RALYL: variants seen among roughly 807,000 people sequenced by gnomAD.
RALYL encodes RNA-binding Raly-like protein.
In RALYL, 29 loss-of-function variants were observed where a neutral mutation model predicts 35.1. The ratio of observed to expected loss-of-function variants is 0.83; its 90% CI spans 0.61 to 1.13. The LOEUF is 1.13. RALYL is among the 50% of genes most tolerant of loss of function. The pLI is 0.00. For missense variants in RALYL, 359 were observed against 360.4 expected, an observed-to-expected ratio of 1.00 and a Z score of 0.03; for synonymous variants, 120 against 127.6, an observed-to-expected ratio of 0.94 and a Z score of 0.40.
At chr8:84,199,178 G>A (rs922667626) in intron 1 of RALYL, among the ~76,000 whole-genome samples, 45 of 152,092 alleles carry the variant, frequency 3.0e-4, no homozygotes, top group Non-Finnish European at 5.9e-5. Flanking sequence ...GCTTTTGGAT[G>A]TAAGTCATTT....
At chr8:84,582,832 T>A (rs1811137186) in intron 2 of RALYL, among the ~76,000 whole-genome samples, 1 of 152,046 alleles carries the variant, frequency 6.6e-6, no homozygotes, top group Non-Finnish European at 1.5e-5. Flanking sequence ...TACCTACAAA[T>A]GTATTTAATT....
chr8:84,517,293 T>C (rs972115643), intron 1 of RALYL, among the ~76,000 whole-genome samples: 4 of 152,162 alleles, frequency 2.6e-5, no homozygotes, highest in African/African-American at 7.2e-5. Flanking sequence ...CACCAAAGCT[T>C]ATATAACATC....
intron 1 of RALYL, among the ~76,000 whole-genome samples, chr8:84,405,883 G>A (rs562744558): frequency 7.5e-5 from 10 of 133,652 alleles, no homozygotes; most frequent in Non-Finnish European, 1.4e-4. Context: ...TCAGTGGCAC[G>A]ATCTCGGCTC....
chr8:84,484,497 A>G (rs966528626), intron 1 of RALYL, among the ~76,000 whole-genome samples: 1 of 152,184 alleles, frequency 6.6e-6, no homozygotes, highest in Admixed American at 6.6e-5. Context: ...ACGTAAGCAA[A>G]AGCAGGAAGG....
chr8:84,365,374 G>A (rs938734589), intron 1 of RALYL, among the ~76,000 whole-genome samples: 2 of 152,018 alleles, frequency 1.3e-5, no homozygotes, highest in Admixed American at 1.3e-4. Flanking sequence ...CTATAAGTGA[G>A]TCCTCATCTA....
chr8:84,652,826 C>A (rs770603017), intron 2 of RALYL, among the ~76,000 whole-genome samples: 2 of 151,920 alleles, frequency 1.3e-5, no homozygotes, highest in Non-Finnish European at 2.9e-5. Flanking sequence ...TAGCATTTGT[C>A]CTCTTCTGAA....
intron 2 of RALYL, among the ~76,000 whole-genome samples, chr8:84,648,737 AAT>A (rs1397627834): frequency 6.6e-6 from 1 of 151,516 alleles, no homozygotes; most frequent in Non-Finnish European, 1.5e-5. Flanking sequence ...TGAAATTATT[AAT>A]ATATTATTTG....
chr8:84,706,834 A>C (rs1841304347), intron 2 of RALYL, among the ~76,000 whole-genome samples: 1 of 152,162 alleles, frequency 6.6e-6, no homozygotes, highest in Admixed American at 6.6e-5. Context: ...CTCTCTAGTA[A>C]GTTTAACTCT....
intron 1 of RALYL, among the ~76,000 whole-genome samples, chr8:84,467,030 T>G (rs1214695196): frequency 6.6e-6 from 1 of 152,210 alleles, no homozygotes; most frequent in Non-Finnish European, 1.5e-5. Flanking sequence ...GATTCTTCTC[T>G]CTTTTTTTCT....
intron 1 of RALYL, among the ~76,000 whole-genome samples, chr8:84,188,700 T>TC (rs1213108996): frequency 2.0e-5 from 3 of 152,150 alleles, no homozygotes; most frequent in Non-Finnish European, 4.4e-5. Context: ...ATACTTGTCA[T>TC]CACCCTTCCT....
At chr8:84,563,994 C>CAT (rs2061621477) in intron 2 of RALYL, among the ~76,000 whole-genome samples, 1 of 151,552 alleles carries the variant, frequency 6.6e-6, no homozygotes, top group Non-Finnish European at 1.5e-5. Context: ...GAATTGAAGA[C>CAT]ATATATACAC....
chr8:84,586,524 A>G (rs747939865), intron 2 of RALYL, among the ~76,000 whole-genome samples: 10 of 152,218 alleles, frequency 6.6e-5, no homozygotes, highest in Non-Finnish European at 1.2e-4. Context: ...TGTAATAGAA[A>G]GTCTTCTGTA....
chr8:84,683,609 A>G (rs932748172), intron 2 of RALYL, among the ~76,000 whole-genome samples: 9 of 152,146 alleles, frequency 5.9e-5, no homozygotes, highest in Admixed American at 1.3e-4. Context: ...AACTACATCT[A>G]TACAGCACTG....
At chr8:84,607,649 G>A (rs149039706) in intron 2 of RALYL, among the ~76,000 whole-genome samples, 57 of 152,086 alleles carry the variant, frequency 3.7e-4, no homozygotes, top group African/African-American at 1.2e-3. Context: ...CATCTGGATC[G>A]CCTGCCCTGG....
At chr8:84,568,873 C>T (rs1807157574) in intron 2 of RALYL, among the ~76,000 whole-genome samples, 1 of 151,704 alleles carries the variant, frequency 6.6e-6, no homozygotes, top group Admixed American at 6.6e-5. Flanking sequence ...CTGTTCATAT[C>T]CTTTGCCCAC....
intron 1 of RALYL, among the ~76,000 whole-genome samples, chr8:84,484,833 T>A (rs1313861184): frequency 6.6e-6 from 1 of 152,152 alleles, no homozygotes; most frequent in Non-Finnish European, 1.5e-5. Context: ...AGAAACTAGC[T>A]TTTTCACTAG....
intron 1 of RALYL, among the ~76,000 whole-genome samples, chr8:84,496,196 C>T (rs1003980706): frequency 2.0e-5 from 3 of 152,010 alleles, no homozygotes; most frequent in Admixed American, 1.3e-4. Flanking sequence ...AATGCTTATT[C>T]AGTTTATTGT....
chr8:84,659,130 A>G (rs1400863041), intron 2 of RALYL, among the ~76,000 whole-genome samples: 2 of 152,150 alleles, frequency 1.3e-5, no homozygotes, highest in African/African-American at 4.8e-5. Flanking sequence ...CTAAAACAGC[A>G]TTGTTGCAGA....
chr8:84,750,731 G>C (rs1809775351), intron 2 of RALYL, among the ~76,000 whole-genome samples: 1 of 152,056 alleles, frequency 6.6e-6, no homozygotes, highest in African/African-American at 2.4e-5. Flanking sequence ...AGGGAGACCT[G>C]ACCTAGCATG....
Sources: allele counts gnomAD v4.1 joint callset (sites outside exome capture counted in the v4.1 genomes callset), GRCh38; gene constraint gnomAD v4.1.1; transcripts MANE v1.5; gene names NCBI Gene and HGNC (gene_info 2026-07-23, HGNC 2026-07-21).